Variants in CACNA2D3 observed in about 807,000 individuals in gnomAD.
CACNA2D3 encodes the protein calcium voltage-gated channel auxiliary subunit alpha2delta 3.
A neutral mutation model predicts 160.6 loss-of-function variants in CACNA2D3; 60 were observed. That is an observed-to-expected ratio of 0.37 (90% confidence interval 0.30 to 0.46). The LOEUF (loss-of-function observed/expected upper bound fraction) is 0.46. Among genes scored for constraint, CACNA2D3 ranks in the 20% least tolerant of loss-of-function variants. The pLI is 1.00. For synonymous variants in CACNA2D3, 558 were observed against 492.9 expected, an observed-to-expected ratio of 1.13 and a Z score of -1.75; for missense variants, 1,205 against 1,365.0, an observed-to-expected ratio of 0.88 and a Z score of 1.85.
In CACNA2D3 at chr3:54,403,493, T is replaced by C. The variant is rs148462766; in HGVS notation, c.381+16719T>C. Reference sequence around the variant, plus strand: ...AACAAAAGTGGTTCTGGAAGGGAAGTTCATAACTGTAAATGCCTACATTAA... The same window carrying C: ...AACAAAAGTGGTTCTGGAAGGGAAGCTCATAACTGTAAATGCCTACATTAA... On this transcript the variant is annotated intron_variant, in intron 4 of 37. Transcript: ENST00000474759. 4.4e-4 allele frequency among the ~76,000 whole-genome samples: 67 copies of C among 151,820 alleles called. 1 individual carries two copies. The highest frequency in any genetic ancestry group is 1.5e-3 in the African/African-American group (64 of 41,372).
At chr3:54,556,182 G>T (rs1702239613) in intron 5 of CACNA2D3, among the ~76,000 whole-genome samples, 2 of 152,238 alleles carry the variant, frequency 1.3e-5, no homozygotes, top group South Asian at 4.2e-4. Context: ...TGCAAATGTG[G>T]TTTTATTTGA....
intron 27 of CACNA2D3, among the ~76,000 whole-genome samples, chr3:54,931,230 G>T (rs1226313568): frequency 6.6e-6 from 1 of 152,174 alleles, no homozygotes; most frequent in Non-Finnish European, 1.5e-5. Context: ...GAGCTAATGG[G>T]TTCCTGGCAA....
chr3:54,348,455 G>A (rs1229587088), intron 3 of CACNA2D3, among the ~76,000 whole-genome samples: 1 of 152,150 alleles, frequency 6.6e-6, no homozygotes, highest in Admixed American at 6.5e-5. Context: ...TATTGCTGAT[G>A]TTCTGTTATC....
intron 2 of CACNA2D3, among the ~76,000 whole-genome samples, chr3:54,304,707 C>T (rs1469604776): frequency 6.6e-6 from 1 of 152,134 alleles, no homozygotes; most frequent in South Asian, 2.1e-4. Flanking sequence ...TTAGGGAGGT[C>T]AGGACATGGG....
At chr3:54,889,364 G>A (rs931750102) in intron 24 of CACNA2D3, among the ~76,000 whole-genome samples, 3 of 152,320 alleles carry the variant, frequency 2.0e-5, no homozygotes, top group South Asian at 2.1e-4. Flanking sequence ...GTAAAGGTTC[G>A]TACAGTTTTC....
chr3:54,792,557 G>A (rs996756037), intron 13 of CACNA2D3, among the ~76,000 whole-genome samples: 6 of 152,094 alleles, frequency 3.9e-5, no homozygotes, highest in South Asian at 2.1e-4. Context: ...GCCATCTCTT[G>A]GCTCTGTTTT....
intron 4 of CACNA2D3, among the ~76,000 whole-genome samples, chr3:54,473,193 C>A (rs1195474765): frequency 6.6e-6 from 1 of 152,042 alleles, no homozygotes; most frequent in Non-Finnish European, 1.5e-5. Context: ...ATATATAGAC[C>A]AATGAAACAG....
intron 17 of CACNA2D3, among the ~76,000 whole-genome samples, chr3:54,870,278 C>T (rs1699495325): frequency 6.6e-6 from 1 of 152,142 alleles, no homozygotes; most frequent in Non-Finnish European, 1.5e-5. Flanking sequence ...CCAGTATGGC[C>T]TCAGCACCTG....
At chr3:54,548,471 T>C (rs1324013663) in intron 5 of CACNA2D3, among the ~76,000 whole-genome samples, 4 of 152,192 alleles carry the variant, frequency 2.6e-5, no homozygotes, top group Admixed American at 1.3e-4. Context: ...TACTACCCCA[T>C]TGGCTATTTG....
chr3:54,883,823 C>CTCTCTCTCTCTCTCTCTCTCTCTCTCTT, intron 21 of CACNA2D3, among the ~76,000 whole-genome samples: 1 of 88,920 alleles, frequency 1.1e-5, no homozygotes, highest in Non-Finnish European at 2.3e-5. Context: ...CTCTCTCTCT[C>CTCTCTCTCTCTCTCTCTCTCTCTCTCTT]CTCTCTCTCC....
At position 54,627,991 on chromosome 3, in the gene CACNA2D3, G is replaced by A. The variant is rs371370502; in HGVS notation, c.1053+115G>A. ...TTCAGACCTTTAATCCCAGCCCTTT[G>A]GGAGGCCGAGATGGGCGGATCATGA... On this transcript the variant is annotated intron_variant, in intron 10 of 37. Transcript: ENST00000474759. 34 of 715,486 alleles carry A rather than the reference G, an allele frequency of 4.8e-5. No homozygotes were observed. In the East Asian group the frequency reaches 8.1e-4, roughly 17 times the overall value. The allele number at this position is 715,486 out of a possible 1,614,324, so 44.3% of individuals were successfully genotyped here.
At chr3:54,795,197 A>G (rs977303429) in intron 13 of CACNA2D3, among the ~76,000 whole-genome samples, 6 of 152,126 alleles carry the variant, frequency 3.9e-5, no homozygotes, top group Non-Finnish European at 7.3e-5. Context: ...CTTTTAAAAA[A>G]TTTTAAGTAT....
intron 4 of CACNA2D3, among the ~76,000 whole-genome samples, chr3:54,435,443 G>A (rs1423435171): frequency 6.6e-6 from 1 of 152,130 alleles, no homozygotes; most frequent in African/African-American, 2.4e-5. Context: ...TGTTCACTGG[G>A]AAGATGTCAG....
At chr3:54,608,241 A>G (rs1195746581) in intron 9 of CACNA2D3, among the ~76,000 whole-genome samples, 3 of 152,208 alleles carry the variant, frequency 2.0e-5, no homozygotes, top group Admixed American at 6.5e-5. Flanking sequence ...ATATTATACT[A>G]CAATAAAGAT....
At chr3:54,224,552 C>A (rs1407480602) in intron 2 of CACNA2D3, among the ~76,000 whole-genome samples, 2 of 152,106 alleles carry the variant, frequency 1.3e-5, no homozygotes, top group Admixed American at 1.3e-4. Context: ...CCATTATAAT[C>A]TTATGAGACC....
intron 13 of CACNA2D3, among the ~76,000 whole-genome samples, chr3:54,781,408 T>C (rs1018174384): frequency 6.6e-5 from 10 of 152,236 alleles, no homozygotes; most frequent in Non-Finnish European, 2.9e-5. Context: ...GGTTCTCTTA[T>C]TAAGCTGGAT....
At chr3:54,926,110 G>A (rs118003807) in intron 27 of CACNA2D3, among the ~76,000 whole-genome samples, 2 of 152,126 alleles carry the variant, frequency 1.3e-5, no homozygotes, top group East Asian at 3.9e-4. Flanking sequence ...CTATTTTCCA[G>A]CATAAGCCCT....
chr3:54,814,464 G>A (rs1299166234), intron 13 of CACNA2D3, among the ~76,000 whole-genome samples: 2 of 152,324 alleles, frequency 1.3e-5, no homozygotes, highest in East Asian at 3.9e-4. Flanking sequence ...ATGAATGCTG[G>A]GTGACAATGT....
intron 2 of CACNA2D3, among the ~76,000 whole-genome samples, chr3:54,270,253 T>C (rs1173827033): frequency 6.6e-6 from 1 of 152,290 alleles, no homozygotes; most frequent in Non-Finnish European, 1.5e-5. Context: ...CAACACTGTT[T>C]CATAATTTCA....
Sources: gnomAD v4.1 joint callset for allele counts (sites outside exome capture counted in the v4.1 genomes callset) on GRCh38, gnomAD v4.1.1 for gene constraint, MANE v1.5 for transcripts, NCBI Gene and HGNC (gene_info 2026-07-23, HGNC 2026-07-21) for gene names.